PTPN3: variants seen among roughly 807,000 people sequenced by gnomAD.
The protein encoded by PTPN3 is tyrosine-protein phosphatase non-receptor type 3.
PTPN3 carries 96 observed loss-of-function variants against 132.7 expected under a neutral mutation model. The ratio of observed to expected loss-of-function variants is 0.72; its 90% CI spans 0.61 to 0.86. The LOEUF (loss-of-function observed/expected upper bound fraction) is 0.86. Ranked by LOEUF, PTPN3 falls within the 40% of genes least tolerant of loss-of-function variation. PTPN3 has a pLI of 0.00. For synonymous variants in PTPN3, 398 were observed against 429.0 expected (o/e 0.93, Z 0.89); for missense variants, 1,125 against 1,159.6 (o/e 0.97, Z 0.43).
At chr9:109,464,747 A>C (rs1290774452) in intron 1 of PTPN3, among the ~76,000 whole-genome samples, 2 of 152,262 alleles carry the variant, frequency 1.3e-5, no homozygotes, top group African/African-American at 4.8e-5. Context: ...ATACAGCAAA[A>C]GAAAGAAATG....
chr9:109,490,913 T>C (rs1489083705), intron 1 of PTPN3, among the ~76,000 whole-genome samples: 2 of 147,698 alleles, frequency 1.4e-5, no homozygotes, highest in East Asian at 2.0e-4. Context: ...AAACCTAACA[T>C]CTAGGCCGGG....
the PTPN3 span, among the ~76,000 whole-genome samples, chr9:109,523,679 C>T: frequency 6.6e-6 from 1 of 152,290 alleles, no homozygotes; most frequent in South Asian, 2.1e-4. Context: ...TGGAATTCTC[C>T]TTTTCCAGAA....
At chr9:109,496,943 A>C (rs879188171) in intron 1 of PTPN3, among the ~76,000 whole-genome samples, 2 of 152,248 alleles carry the variant, frequency 1.3e-5, no homozygotes, top group Admixed American at 1.3e-4. Flanking sequence ...TTTTTAAAAC[A>C]GAAATCTTCC....
chr9:109,499,298 G>A (rs894651942), upstream of PTPN3, among the ~76,000 whole-genome samples: 1 of 151,986 alleles, frequency 6.6e-6, no homozygotes, highest in Non-Finnish European at 1.5e-5. Flanking sequence ...GCTGATGGAC[G>A]GTCTGATTGG....
At chr9:109,455,307 G>T (rs1323680370) in intron 4 of PTPN3, among the ~76,000 whole-genome samples, 2 of 152,166 alleles carry the variant, frequency 1.3e-5, no homozygotes, top group South Asian at 4.1e-4. Context: ...ACGGCAACAG[G>T]AGAAGATCAG....
rs1158259516 is a variant in PTPN3 at position 109,452,266 on chromosome 9, CAAA to C, written c.368+2227_368+2229del. 2.4e-4 allele frequency among the ~76,000 whole-genome samples: 17 copies of C among 71,646 alleles called. No individual in the cohort carries two copies. In the East Asian group the frequency reaches 4.4e-3, roughly 19 times the overall value. 47.0% of individuals were successfully genotyped at this position (71,646 alleles called of 152,430 possible). ...CTGGGTGACAGAGCGAGCTCCGTCT[CAAA>C]AAAAAAAAAAAAAAAAAAGGAAATA... On this transcript the variant is annotated intron_variant, in intron 5 of 25. Transcript: ENST00000374541.
chr9:109,401,960 C>T (rs1841151530), intron 19 of PTPN3, among the ~76,000 whole-genome samples: 1 of 152,166 alleles, frequency 6.6e-6, no homozygotes, highest in Admixed American at 6.5e-5. Context: ...TGGTCTTCAG[C>T]TGTTTCTGGG....
the PTPN3 span, among the ~76,000 whole-genome samples, chr9:109,512,552 G>A: frequency 0.022 from 3,319 of 152,278 alleles, 115 homozygotes; most frequent in African/African-American, 0.075. Context: ...ACAAAATTTG[G>A]TAACACCTGC....
chr9:109,465,545 A>G (rs1384427986), intron 1 of PTPN3, among the ~76,000 whole-genome samples: 1 of 151,960 alleles, frequency 6.6e-6, no homozygotes, highest in African/African-American at 2.4e-5. Flanking sequence ...TTTCATCTCT[A>G]CTAAACATAC....
At chr9:109,465,706 CAAAAAAAAAAAAA>C (rs34634972) in intron 1 of PTPN3, among the ~76,000 whole-genome samples, 2 of 64,830 alleles carry the variant, frequency 3.1e-5, no homozygotes, top group Admixed American at 2.1e-4. Context: ...AACTCTGTCT[CAAAAAAAAAAAAA>C]AAAAAAAAAA....
At chr9:109,424,642 C>T (rs566059697) in intron 12 of PTPN3, among the ~76,000 whole-genome samples, 1 of 152,296 alleles carries the variant, frequency 6.6e-6, no homozygotes, top group Admixed American at 6.5e-5. Context: ...GTGAGTCCAG[C>T]CTTCCAACCA....
chr9:109,511,082 A>G, the PTPN3 span, among the ~76,000 whole-genome samples: 1 of 152,186 alleles, frequency 6.6e-6, no homozygotes, highest in South Asian at 2.1e-4. Flanking sequence ...TTTTATATCA[A>G]GGTGATTAAA....
intron 21 of PTPN3, among the ~76,000 whole-genome samples, 185 bp downstream of exon 21, chr9:109,390,953 C>T (rs752897992): frequency 2.6e-5 from 4 of 152,266 alleles, no homozygotes; most frequent in Admixed American, 1.3e-4. Context: ...TTTAACTCTC[C>T]GAACCTTAGT....
At chr9:109,420,724 T>A in intron 13 of PTPN3, 124 bp from the exon 14 acceptor site, 2 of 1,032,810 alleles carry the variant, frequency 1.9e-6, no homozygotes, top group Non-Finnish European at 2.7e-6. Flanking sequence ...GAGGCTGACA[T>A]TCAGAGCCGG....
At chr9:109,406,188 G>A (rs1432918847) in intron 18 of PTPN3, among the ~76,000 whole-genome samples, 1 of 152,198 alleles carries the variant, frequency 6.6e-6, no homozygotes, top group Non-Finnish European at 1.5e-5. Flanking sequence ...CTGGGCCTGG[G>A]AGGAACTGGG....
At chr9:109,381,910 GCA>G in intron 24 of PTPN3, 123 bp from the exon 25 acceptor site, 1 of 1,154,816 alleles carries the variant, frequency 8.7e-7, no homozygotes, top group Non-Finnish European at 1.3e-6. Context: ...AAGACAAAAC[GCA>G]CACTCACGGC....
At position 109,379,514 on chromosome 9, in the gene PTPN3, G is replaced by A. The variant is rs138931600; in HGVS notation, c.*42C>T. The A allele has an allele frequency of 9.3e-3, 14,466 of 1,556,140 alleles. 87 individuals are homozygous for A. Among genetic ancestry groups the A allele is most frequent in the Non-Finnish European group, 0.011 (12,498 of 1,127,570 alleles). On this transcript the variant is annotated 3_prime_UTR_variant, in exon 26 of 26. Coordinates refer to ENST00000374541, the MANE Select transcript of PTPN3 (RefSeq NM_002829.4). ...GAGGTCTGTCCTCCTCTTTCAAGGA[G>A]GATGCCCTTGGGAAAGAGGAATGAA...
the PTPN3 span, among the ~76,000 whole-genome samples, chr9:109,514,102 G>A: frequency 3.9e-5 from 6 of 152,092 alleles, no homozygotes; most frequent in African/African-American, 9.7e-5. Flanking sequence ...AAGAAATGAC[G>A]TGTTCTCTCC....
In PTPN3 at chr9:109,436,353, G is replaced by A. The variant is rs117879668; in HGVS notation, c.675+530C>T. ...AACATATGGAACTCATGGTATTACC[G>A]CAGGAAATAATCCACTGGTGCATAG... On this transcript the variant is annotated intron_variant, in intron 9 of 25. Transcript: ENST00000374541. Among the ~76,000 whole-genome samples, 144 of 152,254 alleles carry A rather than the reference G, an allele frequency of 9.5e-4. No individual in the cohort carries two copies. The East Asian group carries it at 0.012, about 12-fold the overall frequency.
Sources: gnomAD v4.1 joint callset for allele counts (sites outside exome capture counted in the v4.1 genomes callset) on GRCh38, gnomAD v4.1.1 for gene constraint, MANE v1.5 for transcripts, NCBI Gene and HGNC (gene_info 2026-07-23, HGNC 2026-07-21) for gene names.